SORCS3: variants seen among roughly 807,000 people sequenced by gnomAD.
SORCS3 encodes the protein sortilin related VPS10 domain containing receptor 3.
SORCS3 carries 57 observed loss-of-function variants against 146.3 expected under a neutral mutation model. That is an observed-to-expected ratio of 0.39 (90% confidence interval 0.31 to 0.49). The LOEUF is 0.49. Ranked by LOEUF, SORCS3 falls within the 20% of genes least tolerant of loss-of-function variation. SORCS3 has a pLI of 0.92. For synonymous variants in SORCS3, 653 were observed against 618.5 expected (o/e 1.06, Z -0.83); for missense variants, 1,341 against 1,575.5 (o/e 0.85, Z 2.52).
chr10:104,647,459 T>G (rs2015508543), intron 1 of SORCS3, among the ~76,000 whole-genome samples: 1 of 152,256 alleles, frequency 6.6e-6, no homozygotes, highest in Non-Finnish European at 1.5e-5. Flanking sequence ...GCACCACACA[T>G]TTTGTCATAT....
chr10:104,687,078 C>T (rs2016053737), intron 1 of SORCS3, among the ~76,000 whole-genome samples: 1 of 152,158 alleles, frequency 6.6e-6, no homozygotes, highest in Non-Finnish European at 1.5e-5. Context: ...TCCAGTCATC[C>T]ATCCATGCAT....
chr10:104,916,258 C>T (rs918368005), intron 3 of SORCS3, among the ~76,000 whole-genome samples: 1 of 152,184 alleles, frequency 6.6e-6, no homozygotes, highest in Non-Finnish European at 1.5e-5. Context: ...AAGTAACTTT[C>T]TACCCTGAAT....
intron 1 of SORCS3, chr10:104,665,622 C>A (rs935737854): frequency 1.3e-5 from 2 of 152,242 alleles, no homozygotes; most frequent in Non-Finnish European, 2.9e-5. Context: ...CCACGTTTCC[C>A]TGGTGGCAGA....
chr10:104,879,490 A>G (rs1164342690), intron 2 of SORCS3, among the ~76,000 whole-genome samples: 1 of 152,182 alleles, frequency 6.6e-6, no homozygotes, highest in Admixed American at 6.5e-5. Flanking sequence ...TGATCTCAAT[A>G]TCTTTACTCT....
chr10:105,002,573 A>G (rs906543210), intron 4 of SORCS3, among the ~76,000 whole-genome samples: 8 of 152,246 alleles, frequency 5.3e-5, no homozygotes, highest in Non-Finnish European at 1.2e-4. Context: ...AATTGAATTA[A>G]TTATGAATAA....
chr10:105,120,813 A>T (rs368355381), intron 7 of SORCS3, among the ~76,000 whole-genome samples: 1 of 152,184 alleles, frequency 6.6e-6, no homozygotes, highest in African/African-American at 2.4e-5. Context: ...TTTTCATTTT[A>T]TGTATCACCC....
chr10:105,255,819 C>T lies in SORCS3; in HGVS notation c.3337+18C>T. On this transcript the variant is annotated intron_variant, in intron 24 of 26. Transcript: ENST00000369701. ...GACGTTAGGTGAGTGCCACTGGGAA[C>T]TGGGGAAATGGGAAAGAGGATCTGT... The T allele has an allele frequency of 6.4e-7, 1 of 1,569,130 alleles. No individual in the cohort carries two copies. Among genetic ancestry groups the T allele is most frequent in the Non-Finnish European group, 8.8e-7 (1 of 1,141,148 alleles).
intron 1 of SORCS3, among the ~76,000 whole-genome samples, chr10:104,717,369 T>C (rs2016492516): frequency 1.3e-5 from 2 of 151,490 alleles, no homozygotes; most frequent in Non-Finnish European, 2.9e-5. Flanking sequence ...AGATGTTCTG[T>C]TTTGACCTCC....
chr10:104,788,552 G>C (rs2017463179), intron 1 of SORCS3, among the ~76,000 whole-genome samples: 1 of 152,210 alleles, frequency 6.6e-6, no homozygotes, highest in Non-Finnish European at 1.5e-5. Flanking sequence ...TGCCACTAAG[G>C]AAGCTGTTGT....
chr10:105,042,987 G>A lies in SORCS3; in HGVS notation c.955-68G>A, dbSNP rs2055347378. Reference sequence around the variant, plus strand: ...CACTCTGGTGTTGGGATGCTGCAGGGAAAACATCTGTATTCATGCCCAGCA... The same window carrying A: ...CACTCTGGTGTTGGGATGCTGCAGGAAAAACATCTGTATTCATGCCCAGCA... On this transcript the variant is annotated intron_variant, in intron 4 of 26. Transcript: ENST00000369701. The A allele has an allele frequency of 2.9e-6, 4 of 1,389,460 alleles. No individual in the cohort carries two copies. The African/African-American group carries it at 5.7e-5, about 20-fold the overall frequency. The allele number at this position is 1,389,460 out of a possible 1,614,324, so 86.1% of individuals were successfully genotyped here. A position where few individuals can be genotyped will look rare whatever the true frequency, so the allele number is the denominator to read the frequency against.
intron 4 of SORCS3, among the ~76,000 whole-genome samples, chr10:104,982,855 T>C (rs763960653): frequency 2.0e-5 from 3 of 152,180 alleles, no homozygotes; most frequent in Non-Finnish European, 2.9e-5. Flanking sequence ...GGTTTAATGT[T>C]AGCTATGAAC....
At chr10:104,858,961 A>G (rs1416290442) in intron 2 of SORCS3, among the ~76,000 whole-genome samples, 1 of 151,812 alleles carries the variant, frequency 6.6e-6, no homozygotes, top group African/African-American at 2.4e-5. Flanking sequence ...AAACAACAAA[A>G]AAGAAGTGCA....
At chr10:104,664,128 T>C (rs1478096685) in intron 1 of SORCS3, among the ~76,000 whole-genome samples, 1 of 152,030 alleles carries the variant, frequency 6.6e-6, no homozygotes, top group Admixed American at 6.5e-5. Context: ...CTCAGATGCA[T>C]TGGGGAAGAA....
At chr10:105,042,349 G>A (rs2055343499) in intron 4 of SORCS3, among the ~76,000 whole-genome samples, 1 of 152,166 alleles carries the variant, frequency 6.6e-6, no homozygotes, top group Non-Finnish European at 1.5e-5. Context: ...AGGCTTAAAT[G>A]TATATGAAAG....
chr10:105,253,101 A>G (rs1443856947), intron 23 of SORCS3, among the ~76,000 whole-genome samples, 195 bp downstream of exon 23: 1 of 152,092 alleles, frequency 6.6e-6, no homozygotes, highest in Non-Finnish European at 1.5e-5. Context: ...TCAGAAAGGA[A>G]TGTCACCCCT....
At chr10:105,252,307 T>G (rs542312225) in intron 22 of SORCS3, among the ~76,000 whole-genome samples, 1 of 152,202 alleles carries the variant, frequency 6.6e-6, no homozygotes, top group East Asian at 1.9e-4. Context: ...TTACCAATAT[T>G]AGCTATTGCA....
At chr10:104,793,375 G>A (rs1303015548) in intron 1 of SORCS3, among the ~76,000 whole-genome samples, 3 of 152,146 alleles carry the variant, frequency 2.0e-5, no homozygotes, top group South Asian at 2.1e-4. Context: ...TGCATTGTGC[G>A]TGACTATTGA....
intron 14 of SORCS3, among the ~76,000 whole-genome samples, chr10:105,183,777 A>G (rs2056457995): frequency 6.6e-6 from 1 of 152,118 alleles, no homozygotes; most frequent in Admixed American, 6.6e-5. Context: ...ATGCCTGCAG[A>G]GGGGGTATTG....
chr10:104,745,037 G>C (rs370110289), intron 1 of SORCS3, among the ~76,000 whole-genome samples: 17 of 152,202 alleles, frequency 1.1e-4, no homozygotes, highest in African/African-American at 4.1e-4. Flanking sequence ...GCTACACTTA[G>C]TATTTGTTAT....
Sources: gnomAD v4.1 joint callset for allele counts (sites outside exome capture counted in the v4.1 genomes callset) on GRCh38, gnomAD v4.1.1 for gene constraint, MANE v1.5 for transcripts, NCBI Gene and HGNC (gene_info 2026-07-23, HGNC 2026-07-21) for gene names.